AMOT: variants seen among roughly 807,000 people sequenced by gnomAD.
AMOT encodes angiomotin.
Under a neutral mutation model 67.0 loss-of-function variants are expected in AMOT, and 11 were observed. That is an observed-to-expected ratio of 0.16 (90% CI 0.10 to 0.27). AMOT has a LOEUF of 0.27. Among genes scored for constraint, AMOT ranks in the 10% least tolerant of loss-of-function variants. The probability of loss-of-function intolerance (pLI) is 1.00; values close to 1 mark genes in which losing one functional copy is unlikely to be tolerated. For missense variants in AMOT, 753 were observed against 852.0 expected (o/e 0.88, Z 1.45); for synonymous variants, 326 against 321.4 (o/e 1.01, Z -0.15).
chrX:112,830,589 G>A (rs962204991), intron 2 of AMOT, among the ~76,000 whole-genome samples: 3 of 112,194 alleles, frequency 2.7e-5, no homozygotes, highest in Non-Finnish European at 5.6e-5. Context: ...CTCATTTAAT[G>A]AAAAATTCTC....
intron 4 of AMOT, among the ~76,000 whole-genome samples, chrX:112,816,674 T>C (rs1229366120): frequency 1.8e-5 from 2 of 111,935 alleles, no homozygotes; most frequent in African/African-American, 6.5e-5. Flanking sequence ...AAAGGGGAAG[T>C]CATCTGCCAA....
At chrX:112,789,768 T>C (rs993151095) in intron 10 of AMOT, among the ~76,000 whole-genome samples, 2 of 110,080 alleles carry the variant, frequency 1.8e-5, no homozygotes, top group South Asian at 8.1e-4. Context: ...GTAGCCTGCC[T>C]TTCATACCCA....
intron 11 of AMOT, among the ~76,000 whole-genome samples, chrX:112,781,873 A>C (rs964503534): frequency 1.8e-5 from 2 of 111,685 alleles, no homozygotes; most frequent in Non-Finnish European, 3.8e-5. Context: ...TCCTACCTCC[A>C]CTTTGAGTAG....
intron 11 of AMOT, among the ~76,000 whole-genome samples, chrX:112,781,927 C>T (rs911724098): frequency 6.3e-5 from 7 of 111,717 alleles, no homozygotes; most frequent in African/African-American, 1.6e-4. Flanking sequence ...CTAGCTCTGT[C>T]GCTCAGGCTG....
rs745710827 is a variant in AMOT, at chrX:112,776,783, G to A, written c.*1784C>T. On this transcript the variant is annotated 3_prime_UTR_variant, in exon 14 of 14. Transcript: ENST00000371959. Reference sequence around the variant, plus strand: ...AAGGCACTGAAGGAGAGGCAAGACAGAAATTCAGTAGTTTGTCAAGACTGG... The same window carrying A: ...AAGGCACTGAAGGAGAGGCAAGACAAAAATTCAGTAGTTTGTCAAGACTGG... 2 of 111,972 alleles carry A rather than the reference G, an allele frequency of 1.8e-5. No individual in the cohort carries two copies. The highest frequency in any genetic ancestry group is 6.5e-5 in the African/African-American group (2 of 30,701). The allele number at this position is 111,972 out of a possible 1,213,427, so 9.2% of individuals were successfully genotyped here.
intron 2 of AMOT, among the ~76,000 whole-genome samples, chrX:112,826,176 C>A (rs965260208): frequency 8.9e-6 from 1 of 111,804 alleles, no homozygotes; most frequent in African/African-American, 3.3e-5. Context: ...ACATGAACCA[C>A]ATTCCTATCT....
At chrX:112,781,198 T>C (rs773722300) in intron 11 of AMOT, 80 bp from the exon 12 acceptor site, 2 of 953,896 alleles carry the variant, frequency 2.1e-6, no homozygotes, top group Admixed American at 4.8e-5. Context: ...TCCCAGCATT[T>C]TGGGAGGCCG....
At chrX:112,838,536 A>T (rs660457) in intron 1 of AMOT, among the ~76,000 whole-genome samples, 2 of 110,517 alleles carry the variant, frequency 1.8e-5, no homozygotes, top group Admixed American at 9.6e-5. Context: ...AGTCTGATGC[A>T]GTCTTTACAA....
chrX:112,830,811 G>A (rs1386860658), intron 2 of AMOT, among the ~76,000 whole-genome samples: 1 of 112,123 alleles, frequency 8.9e-6, no homozygotes, highest in Non-Finnish European at 1.9e-5. Flanking sequence ...TTCATGGCCT[G>A]TAATAGCTTA....
intron 7 of AMOT, among the ~76,000 whole-genome samples, chrX:112,809,260 C>G (rs998987536): frequency 8.9e-6 from 1 of 111,896 alleles, no homozygotes; most frequent in Admixed American, 9.5e-5. Flanking sequence ...TAGACATTGT[C>G]TAGCTGGGTG....
Position 112,782,650 on chromosome X carries a change from G to A in AMOT, c.2130C>T (p.Val710=), listed in dbSNP as rs766888073. The A allele has an allele frequency of 7.4e-6, 9 of 1,208,222 alleles. No individual in the cohort carries two copies. The highest frequency in any genetic ancestry group is 1.8e-5 in the South Asian group (1 of 56,427). Residue 710 remains valine (V), a synonymous_variant, in exon 11 of 14, where the codon GTC becomes GTT. Coordinates refer to ENST00000371959, the MANE Select transcript of AMOT (RefSeq NM_001113490.2). ...ATVAAQRDTT[V]ISHSPNTSYD... Reference sequence around the variant, plus strand: ...AGCTGGTGTTAGGAGAGTGACTGATGACTGTTGTGTCCCTGGGGAGGAAAA... The same window carrying A: ...AGCTGGTGTTAGGAGAGTGACTGATAACTGTTGTGTCCCTGGGGAGGAAAA...
chrX:112,840,103 C>T (rs1195101156), intron 1 of AMOT, among the ~76,000 whole-genome samples: 1 of 111,437 alleles, frequency 9.0e-6, no homozygotes, highest in African/African-American at 3.3e-5. Context: ...GACATGCATG[C>T]TGGGCTAAAT....
chrX:112,796,162 C>T (rs1284975785), intron 8 of AMOT, among the ~76,000 whole-genome samples: 1 of 111,753 alleles, frequency 8.9e-6, no homozygotes, highest in African/African-American at 3.3e-5. Flanking sequence ...GAGGGCTCAG[C>T]CAAACGGGGT....
chrX:112,791,462 T>C (rs752019927), intron 9 of AMOT, among the ~76,000 whole-genome samples: 2 of 112,295 alleles, frequency 1.8e-5, no homozygotes, highest in African/African-American at 6.5e-5. Flanking sequence ...TTGATTTTCA[T>C]TCATCTAAAA....
chrX:112,825,612 T>C (rs1934823360), intron 2 of AMOT, among the ~76,000 whole-genome samples: 1 of 110,821 alleles, frequency 9.0e-6, no homozygotes, highest in Admixed American at 9.6e-5. Flanking sequence ...TGAGGCTCAC[T>C]GTCCCACATC....
chrX:112,788,694 A>G lies in AMOT; in HGVS notation c.2117+1898T>C, dbSNP rs774661748. On this transcript the variant is annotated intron_variant, in intron 10 of 13. Coordinates refer to ENST00000371959, the MANE Select transcript of AMOT (RefSeq NM_001113490.2). ...GTCAGCATCTCCTGTGGATTGGATT[A>G]GTAGCATGCCAGAAAGACACACAGT... Among the ~76,000 whole-genome samples the G allele has an allele frequency of 9.9e-4, 111 of 112,224 alleles. 1 individual carries two copies. The highest frequency in any genetic ancestry group is 1.9e-4 in the Non-Finnish European group (10 of 53,231).
At chrX:112,813,302 T>A (rs777583490) in intron 5 of AMOT, among the ~76,000 whole-genome samples, 6 of 111,707 alleles carry the variant, frequency 5.4e-5, no homozygotes, top group South Asian at 3.8e-4. Context: ...GAAGGATATA[T>A]CCACTGGTTT....
intron 12 of AMOT, among the ~76,000 whole-genome samples, 168 bp from the exon 13 acceptor site, chrX:112,779,848 A>T (rs1832348620): frequency 9.1e-6 from 1 of 109,695 alleles, no homozygotes; most frequent in African/African-American, 3.3e-5. Flanking sequence ...TAAATAATTT[A>T]GAATAGTCTA....
At chrX:112,834,362 G>T (rs965482879) in intron 1 of AMOT, among the ~76,000 whole-genome samples, 15 of 111,421 alleles carry the variant, frequency 1.3e-4, no homozygotes, top group African/African-American at 4.9e-4. Flanking sequence ...ATATCAAAAA[G>T]ATTGAAATGT....
Sources: allele counts gnomAD v4.1 joint callset (sites outside exome capture counted in the v4.1 genomes callset), GRCh38; gene constraint gnomAD v4.1.1; transcripts MANE v1.5; gene names NCBI Gene and HGNC (gene_info 2026-07-23, HGNC 2026-07-21).